CCSER1: variants seen among roughly 807,000 people sequenced by gnomAD.
CCSER1 encodes serine-rich coiled-coil domain-containing protein 1.
CCSER1 carries 41 observed loss-of-function variants against 82.0 expected under a neutral mutation model. The observed-to-expected ratio is 0.50, with a 90% CI of 0.39 to 0.65. The LOEUF (loss-of-function observed/expected upper bound fraction) is 0.65, where lower values mean the gene tolerates loss of function less well. Among genes scored for constraint, CCSER1 ranks in the 30% least tolerant of loss-of-function variants. CCSER1 has a pLI of 0.00. For missense variants in CCSER1, 1,119 were observed against 1,064.2 expected (o/e 1.05, Z -0.72); for synonymous variants, 414 against 383.9 (o/e 1.08, Z -0.92).
chr4:90,572,907 T>A (rs1780288606), intron 5 of CCSER1, among the ~76,000 whole-genome samples: 1 of 152,258 alleles, frequency 6.6e-6, no homozygotes, highest in East Asian at 1.9e-4. Flanking sequence ...TCCTTGTGAT[T>A]GAGCATTGAT....
chr4:90,984,610 T>A (rs1260412195), intron 9 of CCSER1, among the ~76,000 whole-genome samples: 2 of 151,738 alleles, frequency 1.3e-5, no homozygotes, highest in African/African-American at 2.4e-5. Context: ...AACTAACTTA[T>A]TGACTTAAGC....
chr4:90,786,749 G>C (rs1429835194), intron 7 of CCSER1, among the ~76,000 whole-genome samples: 4 of 152,316 alleles, frequency 2.6e-5, no homozygotes, highest in East Asian at 1.9e-4. Flanking sequence ...TCCCCACACA[G>C]AGCAGCAGAC....
At chr4:91,116,799 T>C (rs969403229) in intron 10 of CCSER1, among the ~76,000 whole-genome samples, 7 of 152,196 alleles carry the variant, frequency 4.6e-5, no homozygotes, top group African/African-American at 1.7e-4. Flanking sequence ...TCAACCTGCA[T>C]GAAGAATTAG....
chr4:90,556,648 ATAT>A (rs1015249059), intron 5 of CCSER1, among the ~76,000 whole-genome samples: 7 of 152,006 alleles, frequency 4.6e-5, no homozygotes, highest in African/African-American at 1.7e-4. Context: ...AGAAAAGAAA[ATAT>A]TATGAAAATA....
rs185811096 is a variant in CCSER1, at chr4:90,244,616, C to T, written c.-41-63628C>T. ...GGGAAGGGGAAGCAAGGACCTTCTT[C>T]ACGTGGTGGCAGGAGAGAGAAGTGA... On this transcript the variant is annotated intron_variant, in intron 1 of 10. Transcript: ENST00000509176. 1.1e-4 allele frequency among the ~76,000 whole-genome samples: 17 copies of T among 152,264 alleles called. No homozygotes were observed. The East Asian group carries it at 1.2e-3, about 10-fold the overall frequency.
chr4:90,324,366 CTG>C (rs962861312), intron 3 of CCSER1, among the ~76,000 whole-genome samples: 2 of 144,248 alleles, frequency 1.4e-5, no homozygotes, highest in African/African-American at 5.3e-5. Flanking sequence ...GCCATTCTAA[CTG>C]GTGTGAGATG....
In CCSER1 at chr4:91,560,665, C is replaced by T. The variant is rs528113842; in HGVS notation, c.2218-37907C>T. Among the ~76,000 whole-genome samples the T allele has an allele frequency of 2.6e-5, 4 of 151,334 alleles. No homozygotes were observed. The Admixed American group carries it at 2.6e-4, about 10-fold the overall frequency. On this transcript the variant is annotated intron_variant, in intron 10 of 10. Transcript: ENST00000509176. ...AGAGCACCCATCAGTATATATTTAC[C>T]GAATTAACAATTGCTTAACCTCAAA...
intron 5 of CCSER1, among the ~76,000 whole-genome samples, chr4:90,576,668 T>G (rs1196121326): frequency 6.6e-6 from 1 of 152,158 alleles, no homozygotes; most frequent in Non-Finnish European, 1.5e-5. Context: ...TGTATTTAAG[T>G]CTCCTCCATG....
chr4:91,336,481 G>A (rs941001796), intron 10 of CCSER1, among the ~76,000 whole-genome samples: 11 of 151,958 alleles, frequency 7.2e-5, no homozygotes, highest in African/African-American at 2.4e-4. Context: ...TGCTATACTT[G>A]GAGGAATAAT....
chr4:91,603,149 CATT>C lies in CCSER1; in HGVS notation c.*4093_*4095del, dbSNP rs1465466143. ...AAGGCTGATTTCAGTTAAGACTGGT[CATT>C]TTTTTAAAAAGCTGAATTACACTGT... On this transcript the variant is annotated 3_prime_UTR_variant, in exon 11 of 11. Transcript: ENST00000509176. 6.6e-6 allele frequency: 1 copy of C among 152,018 alleles called. No individual in the cohort carries two copies. Among genetic ancestry groups the C allele is most frequent in the Non-Finnish European group, 1.5e-5 (1 of 67,966 alleles). The allele number at this position is 152,018 out of a possible 1,614,324, so 9.4% of individuals were successfully genotyped here.
intron 5 of CCSER1, among the ~76,000 whole-genome samples, chr4:90,581,537 A>G (rs1306117551): frequency 6.6e-6 from 1 of 152,020 alleles, no homozygotes; most frequent in East Asian, 1.9e-4. Flanking sequence ...TGTGTGAAAT[A>G]TATATATTGC....
At chr4:90,856,223 C>G (rs1270122216) in intron 8 of CCSER1, among the ~76,000 whole-genome samples, 1 of 152,056 alleles carries the variant, frequency 6.6e-6, no homozygotes, top group Non-Finnish European at 1.5e-5. Flanking sequence ...GATGGAGTAG[C>G]TTCCTTGTTC....
chr4:91,457,288 A>G (rs1756234268), intron 10 of CCSER1, among the ~76,000 whole-genome samples: 1 of 152,106 alleles, frequency 6.6e-6, no homozygotes, highest in Admixed American at 6.6e-5. Flanking sequence ...ACATTGTACA[A>G]TTTTTTTCTA....
intron 5 of CCSER1, among the ~76,000 whole-genome samples, chr4:90,529,454 T>C (rs1774213314): frequency 6.6e-6 from 1 of 152,164 alleles, no homozygotes; most frequent in African/African-American, 2.4e-5. Context: ...GGTCTTGAAC[T>C]CCTGGCCTCA....
In CCSER1 at chr4:91,331,959, G is replaced by A. The variant is rs187316765; in HGVS notation, c.2217+245965G>A. On this transcript the variant is annotated intron_variant, in intron 10 of 10. Coordinates refer to ENST00000509176, the MANE Select transcript of CCSER1 (RefSeq NM_001145065.2). ...CTGTTTTCATCACCATCAAAATTAG[G>A]CTGATACATATACATATCACAATGA... Among the ~76,000 whole-genome samples the A allele has an allele frequency of 2.4e-4, 36 of 152,032 alleles. 1 individual carries two copies. In the East Asian group the frequency reaches 5.8e-3, roughly 24 times the overall value.
chr4:91,281,732 A>G (rs1440761266), intron 10 of CCSER1, among the ~76,000 whole-genome samples: 6 of 152,210 alleles, frequency 3.9e-5, no homozygotes, highest in Admixed American at 1.3e-4. Context: ...TTTTGATATT[A>G]GGAGACTAGC....
At chr4:91,268,544 TTA>T (rs1356323737) in intron 10 of CCSER1, among the ~76,000 whole-genome samples, 1 of 152,186 alleles carries the variant, frequency 6.6e-6, no homozygotes, top group Non-Finnish European at 1.5e-5. Flanking sequence ...GGCTGAAGAA[TTA>T]TGTCACGCGC....
intron 1 of CCSER1, among the ~76,000 whole-genome samples, chr4:90,236,408 TG>T (rs1745817776): frequency 6.6e-6 from 1 of 152,068 alleles, no homozygotes; most frequent in Admixed American, 6.6e-5. Flanking sequence ...AGTAGTTTAG[TG>T]GGACAGGGGG....
At chr4:90,930,804 G>C (rs538422125) in intron 9 of CCSER1, among the ~76,000 whole-genome samples, 2 of 150,586 alleles carry the variant, frequency 1.3e-5, no homozygotes, top group African/African-American at 4.9e-5. Flanking sequence ...CTTGTTTAAA[G>C]TAAATTTTTG....
Sources: gnomAD v4.1 joint callset for allele counts (sites outside exome capture counted in the v4.1 genomes callset) on GRCh38, gnomAD v4.1.1 for gene constraint, MANE v1.5 for transcripts, NCBI Gene and HGNC (gene_info 2026-07-23, HGNC 2026-07-21) for gene names.